CSMD1: variants seen among roughly 807,000 people sequenced by gnomAD.
CSMD1 encodes the protein CUB and sushi domain-containing protein 1.
In CSMD1, 213 loss-of-function variants were observed where a neutral mutation model predicts 417.5. The ratio of observed to expected loss-of-function variants is 0.51; its 90% CI spans 0.46 to 0.57. The LOEUF is 0.57. CSMD1 is among the 20% of genes least tolerant of loss of function. The pLI is 0.00. For missense variants in CSMD1, 6,923 were observed against 4,529.7 expected (o/e 1.53, Z -15.17); for synonymous variants, 2,862 against 1,736.8 (o/e 1.65, Z -16.11).
chr8:4,231,722 T>G (rs1349842339), intron 3 of CSMD1, among the ~76,000 whole-genome samples: 1 of 152,194 alleles, frequency 6.6e-6, no homozygotes, highest in East Asian at 1.9e-4. Context: ...AGAATGTGAC[T>G]GGTAGTGATG....
intron 12 of CSMD1, among the ~76,000 whole-genome samples, chr8:3,455,184 T>G (rs1422255695): frequency 6.6e-6 from 1 of 152,216 alleles, no homozygotes. Flanking sequence ...AGGACTTCTC[T>G]GCATTGGTTA....
intron 5 of CSMD1, among the ~76,000 whole-genome samples, chr8:3,819,802 C>G (rs567189758): frequency 7.2e-5 from 11 of 152,164 alleles, no homozygotes; most frequent in African/African-American, 2.2e-4. Flanking sequence ...TGCCTGGCCT[C>G]CCAAAGTACT....
rs528633933 is a variant in CSMD1 at position 3,179,173 on chromosome 8, C to A, written c.5725+1937G>T. Among the ~76,000 whole-genome samples, 14 of 151,722 alleles carry A rather than the reference C, an allele frequency of 9.2e-5. No homozygotes were observed. In the South Asian group the frequency reaches 2.5e-3, roughly 27 times the overall value. ...TGTTAGCCAGGACTGTCTCGATCTC[C>A]TGACCTCGTGATCTGCCCGCCTTGG... On this transcript the variant is annotated intron_variant, in intron 37 of 69. Transcript: ENST00000635120.
intron 5 of CSMD1, among the ~76,000 whole-genome samples, chr8:3,850,109 T>G (rs2954223): frequency 6.6e-6 from 1 of 152,078 alleles, no homozygotes; most frequent in African/African-American, 2.4e-5. Context: ...AGTATATCTT[T>G]TTGATACATT....
At chr8:3,568,438 G>A (rs899933906) in intron 10 of CSMD1, among the ~76,000 whole-genome samples, 2 of 152,038 alleles carry the variant, frequency 1.3e-5, no homozygotes, top group African/African-American at 2.4e-5. Flanking sequence ...ACTAAACAAA[G>A]AACAAATCAG....
chr8:4,192,235 A>G (rs1343347890), intron 3 of CSMD1, among the ~76,000 whole-genome samples: 1 of 152,194 alleles, frequency 6.6e-6, no homozygotes, highest in South Asian at 2.1e-4. Flanking sequence ...TGTTAACAAA[A>G]TATAGTTCGT....
At chr8:3,876,577 T>A (rs963927816) in intron 5 of CSMD1, among the ~76,000 whole-genome samples, 13 of 152,216 alleles carry the variant, frequency 8.5e-5, no homozygotes, top group African/African-American at 2.9e-4. Context: ...AATGAGGTAC[T>A]GGCTTTTTAT....
intron 12 of CSMD1, among the ~76,000 whole-genome samples, chr8:3,429,924 T>C (rs1044624665): frequency 6.6e-6 from 1 of 152,176 alleles, no homozygotes; most frequent in Non-Finnish European, 1.5e-5. Context: ...CCACACTGTC[T>C]ATTTCTTATA....
intron 5 of CSMD1, among the ~76,000 whole-genome samples, chr8:3,871,091 T>C (rs7821201): frequency 0.094 from 14,258 of 152,120 alleles, 683 homozygotes; most frequent in South Asian, 0.15. Context: ...TATTTAACAA[T>C]TGTCCTATTA....
At chr8:4,512,538 T>C (rs890103886) in intron 2 of CSMD1, among the ~76,000 whole-genome samples, 2 of 151,870 alleles carry the variant, frequency 1.3e-5, no homozygotes, top group East Asian at 3.9e-4. Flanking sequence ...TCCTAAATAA[T>C]TGAGAAAAAA....
At chr8:4,834,981 G>A (rs10105941) in intron 1 of CSMD1, among the ~76,000 whole-genome samples, 42,651 of 58,704 alleles carry the variant, frequency 0.73, 17,465 homozygotes, top group Non-Finnish European at 0.85. Context: ...AAAAAAAAAA[G>A]AAAGAAAGAA....
intron 11 of CSMD1, among the ~76,000 whole-genome samples, chr8:3,483,865 A>G (rs181245227): frequency 8.4e-4 from 128 of 152,334 alleles, no homozygotes; most frequent in African/African-American, 2.9e-3. Context: ...GTCATCCACC[A>G]TTAGAAGAGG....
At chr8:3,993,086 G>A (rs1814883694) in intron 5 of CSMD1, among the ~76,000 whole-genome samples, 1 of 152,198 alleles carries the variant, frequency 6.6e-6, no homozygotes, top group Non-Finnish European at 1.5e-5. Context: ...ATCAAACAGA[G>A]TCTGAAAATG....
intron 2 of CSMD1, among the ~76,000 whole-genome samples, chr8:4,450,964 AACGT>A: frequency 6.6e-6 from 1 of 152,112 alleles, no homozygotes; most frequent in African/African-American, 2.4e-5. Context: ...GATCTACAGT[AACGT>A]ATTATATTTG....
At chr8:4,854,520 G>C (rs1403893176) in intron 1 of CSMD1, among the ~76,000 whole-genome samples, 1 of 152,156 alleles carries the variant, frequency 6.6e-6, no homozygotes, top group Admixed American at 6.5e-5. Flanking sequence ...TCTCACTAGG[G>C]AGTGCCAGAC....
At chr8:3,712,989 C>A (rs1281493895) in intron 6 of CSMD1, among the ~76,000 whole-genome samples, 1 of 152,008 alleles carries the variant, frequency 6.6e-6, no homozygotes. Flanking sequence ...TGAGAGTTGA[C>A]TTTAGGTTTT....
chr8:4,952,349 A>ACATGAGAC (rs948693998), intron 1 of CSMD1, among the ~76,000 whole-genome samples: 11 of 151,876 alleles, frequency 7.2e-5, no homozygotes, highest in African/African-American at 2.7e-4. Context: ...AATAAGTGAA[A>ACATGAGAC]CTGAATAATG....
chr8:3,846,756 C>G (rs959320137), intron 5 of CSMD1, among the ~76,000 whole-genome samples: 4 of 152,244 alleles, frequency 2.6e-5, no homozygotes, highest in East Asian at 1.9e-4. Context: ...TCACTGCAAC[C>G]TCTGCCTCTC....
chr8:3,477,085 C>T (rs922973228), intron 11 of CSMD1, among the ~76,000 whole-genome samples: 1 of 152,138 alleles, frequency 6.6e-6, no homozygotes, highest in Non-Finnish European at 1.5e-5. Flanking sequence ...TAGATCTGTA[C>T]ACACAGAAAG....
Sources: gnomAD v4.1 joint callset for allele counts (sites outside exome capture counted in the v4.1 genomes callset) on GRCh38, gnomAD v4.1.1 for gene constraint, MANE v1.5 for transcripts, NCBI Gene and HGNC (gene_info 2026-07-23, HGNC 2026-07-21) for gene names.